NID2: variants seen among roughly 807,000 people sequenced by gnomAD.
The protein encoded by NID2 is nidogen 2.
In NID2, 83 loss-of-function variants were observed where a neutral mutation model predicts 145.4. The observed-to-expected ratio is 0.57, with a 90% CI of 0.48 to 0.69. The LOEUF (loss-of-function observed/expected upper bound fraction) is 0.69, where lower values mean the gene tolerates loss of function less well. NID2 is among the 30% of genes least tolerant of loss of function. The pLI is 0.00. For synonymous variants in NID2, 739 were observed against 701.3 expected (o/e 1.05, Z -0.85); for missense variants, 1,807 against 1,765.7 (o/e 1.02, Z -0.42).
chr14:52,018,059 C>T (rs578169954), intron 14 of NID2, among the ~76,000 whole-genome samples: 19 of 152,298 alleles, frequency 1.2e-4, no homozygotes, highest in Admixed American at 7.8e-4. Flanking sequence ...CCTCGTGATC[C>T]ACCCGCCTCG....
intron 1 of NID2, 123 bp from the exon 2 acceptor site, chr14:52,068,286 G>T: frequency 1.0e-6 from 1 of 956,040 alleles, no homozygotes; most frequent in Non-Finnish European, 1.6e-6. Flanking sequence ...CACTGGCCAG[G>T]GAGTCTGGAT....
chr14:52,067,757 G>A, intron 2 of NID2, 101 bp downstream of exon 2: 1 of 1,374,762 alleles, frequency 7.3e-7, no homozygotes, highest in Non-Finnish European at 1.0e-6. Context: ...CAGCGCAAGA[G>A]TAGGCTCAGA....
chr14:52,058,485 G>C (rs1397947647), intron 3 of NID2, among the ~76,000 whole-genome samples: 1 of 152,172 alleles, frequency 6.6e-6, no homozygotes, highest in East Asian at 1.9e-4. Context: ...CTTTCGCCAA[G>C]CAATTCAGAG....
At position 52,040,639 on chromosome 14, in the gene NID2, G is replaced by T. The variant is rs758505841; in HGVS notation, c.2026+12C>A. On this transcript the variant is annotated intron_variant, in intron 8 of 21. Transcript: ENST00000216286. Reference sequence around the variant, plus strand: ...TCCCCATTTTACAGATGTGAAGACTGGTTATACATACTGGAGTCGGAGTAG... The same window carrying T: ...TCCCCATTTTACAGATGTGAAGACTTGTTATACATACTGGAGTCGGAGTAG... 1 of 1,610,098 alleles carries T rather than the reference G, an allele frequency of 6.2e-7. No homozygotes were observed. Among genetic ancestry groups the T allele is most frequent in the South Asian group, 1.1e-5 (1 of 90,968 alleles).
At chr14:52,022,099 C>G (rs775427641) in intron 12 of NID2, among the ~76,000 whole-genome samples, 67 of 152,218 alleles carry the variant, frequency 4.4e-4, no homozygotes, top group Non-Finnish European at 8.7e-4. Context: ...GCCCATGGAG[C>G]AGTTTCTTAT....
At chr14:52,038,515 A>G (rs753052) in intron 9 of NID2, among the ~76,000 whole-genome samples, 74,883 of 151,838 alleles carry the variant, frequency 0.49, 18,836 homozygotes, top group South Asian at 0.55. Flanking sequence ...GCTATAAACC[A>G]GCTTCACATA....
chr14:52,051,870 C>G (rs1892692659), intron 5 of NID2, among the ~76,000 whole-genome samples: 1 of 152,044 alleles, frequency 6.6e-6, no homozygotes, highest in Non-Finnish European at 1.5e-5. Context: ...TAGTTCATGC[C>G]CCACAAGGGT....
intron 5 of NID2, among the ~76,000 whole-genome samples, chr14:52,045,896 A>C (rs569304798): frequency 3.9e-5 from 2 of 50,806 alleles, no homozygotes; most frequent in South Asian, 2.0e-3. Context: ...GAAACTATGC[A>C]AACTGTCTTT....
At chr14:52,014,557 A>G in intron 15 of NID2, 101 bp from the exon 16 acceptor site, 1 of 1,256,490 alleles carries the variant, frequency 8.0e-7, no homozygotes, top group Non-Finnish European at 1.1e-6. Flanking sequence ...CAAAAATATC[A>G]AAAGTTCTTC....
In NID2 at chr14:52,011,037, G is replaced by A; in HGVS notation, c.3561C>T (p.Ser1187=). ...TGTGGTCTATGGCAAGTCCTTCAGG[G>A]CTTATCAGACCTGGAAATAAAGCAA... ...PETIVNSGLI[S]PEGLAIDHIR... Residue 1187 remains serine, a synonymous_variant, in exon 18 of 22, where the codon AGC becomes AGT. Coordinates refer to ENST00000216286, the MANE Select transcript of NID2 (RefSeq NM_007361.4). The A allele has an allele frequency of 1.2e-6, 2 of 1,613,616 alleles. No individual in the cohort carries two copies. The highest frequency in any genetic ancestry group is 1.7e-6 in the Non-Finnish European group (2 of 1,179,596).
chr14:52,014,408 T>C lies in NID2; in HGVS notation c.3299A>G (p.Asp1100Gly), dbSNP rs1366203242. ...PPMVRPTPRP[D>G]VTPPSVGTFL... is the part of the protein sequence containing the mutation. ...GGTGCCCACAGATGGAGGGGTCACA[T>C]CTGGCCGGGGCGTGGGCCGGACCAT... Residue 1100 changes from aspartate to glycine, a missense_variant, in exon 16 of 22, where the codon GAT becomes GGT. Physicochemically the swap from Asp to Gly is moderately conservative, Grantham distance 94. Coordinates refer to ENST00000216286, the MANE Select transcript of NID2 (RefSeq NM_007361.4). The C allele has an allele frequency of 6.2e-7, 1 of 1,613,996 alleles. No individual in the cohort carries two copies. Among genetic ancestry groups the C allele is most frequent in the Non-Finnish European group, 8.5e-7 (1 of 1,179,988 alleles).
In NID2 at chr14:52,068,060, G is replaced by C; in HGVS notation, c.332C>G (p.Ala111Gly). ...TCTGCCGTGGCTCGTGTCGATGTCC[G>C]CCAGAAAAGGGGCGATGGCCGGGAA... is the stretch of plus-strand genomic sequence containing the variant. ...TDFPAIAPFL[A>G]DIDTSHGRGR... The change falls in exon 2 of 22, where the codon GCG becomes GGG. Residue 111 changes from alanine (A) to glycine (G), a missense_variant. Transcript: ENST00000216286. 1 of 1,613,698 alleles carries C rather than the reference G, an allele frequency of 6.2e-7. No homozygotes were observed. The highest frequency in any genetic ancestry group is 1.1e-5 in the South Asian group (1 of 91,036).
At chr14:52,042,058 C>T (rs1238097717) in intron 7 of NID2, 47 bp downstream of exon 7, 2 of 1,534,614 alleles carry the variant, frequency 1.3e-6, no homozygotes, top group Admixed American at 2.0e-5. Context: ...AGGAGCACCA[C>T]TGCCAAAGCA....
At chr14:52,019,492 C>CT (rs1891327422) in intron 13 of NID2, among the ~76,000 whole-genome samples, 198 bp from the exon 14 acceptor site, 1 of 152,182 alleles carries the variant, frequency 6.6e-6, no homozygotes, top group Non-Finnish European at 1.5e-5. Context: ...CTAGCTGGCT[C>CT]TAAGTGTAAA....
intron 3 of NID2, among the ~76,000 whole-genome samples, chr14:52,057,240 G>A (rs530201488): frequency 9.2e-5 from 14 of 151,972 alleles, no homozygotes; most frequent in Admixed American, 1.3e-4. Context: ...ATTAGGTCTC[G>A]CTATGTTGCC....
chr14:52,042,241 G>A lies in NID2; in HGVS notation c.1689C>T (p.Gly563=). The A allele has an allele frequency of 6.2e-7, 1 of 1,614,246 alleles. No individual in the cohort carries two copies. Among genetic ancestry groups the A allele is most frequent in the Non-Finnish European group, 8.5e-7 (1 of 1,180,042 alleles). The part of the protein sequence containing the change: ...DLHAYIVGND[G]RAYTAISHIP... ...TGTGGCTGATGGCCGTGTAGGCTCTGCCATCATTGCCCACGATATACGCAT... is the reference window on the plus strand; with the variant it reads ...TGTGGCTGATGGCCGTGTAGGCTCTACCATCATTGCCCACGATATACGCAT... Residue 563 remains glycine, a synonymous_variant, in exon 7 of 22, where the codon GGC becomes GGT. Coordinates refer to ENST00000216286, the MANE Select transcript of NID2 (RefSeq NM_007361.4).
chr14:52,020,924 C>T (rs1458870525), intron 12 of NID2, among the ~76,000 whole-genome samples: 1 of 152,100 alleles, frequency 6.6e-6, no homozygotes, highest in Admixed American at 6.6e-5. Context: ...ACAACAAAAT[C>T]CTGACACTTC....
intron 10 of NID2, among the ~76,000 whole-genome samples, 181 bp from the exon 11 acceptor site, chr14:52,029,031 T>G (rs755884903): frequency 1.3e-5 from 2 of 152,188 alleles, no homozygotes; most frequent in African/African-American, 2.4e-5. Flanking sequence ...TAGTAAAAAT[T>G]TCATGCCATT....
chr14:52,039,642 C>T (rs1052437816), intron 8 of NID2, among the ~76,000 whole-genome samples: 1 of 152,176 alleles, frequency 6.6e-6, no homozygotes, highest in African/African-American at 2.4e-5. Context: ...ATAGGAGCAG[C>T]AGGGGTCAGA....
Sources: allele counts gnomAD v4.1 joint callset (sites outside exome capture counted in the v4.1 genomes callset), GRCh38; gene constraint gnomAD v4.1.1; transcripts MANE v1.5; gene names NCBI Gene and HGNC (gene_info 2026-07-23, HGNC 2026-07-21).